The following WDR64 variants were observed in gnomAD, a reference collection of about 807,000 sequenced individuals.
WDR64 encodes WD repeat domain 64.
WDR64 carries 112 observed loss-of-function variants against 139.3 expected under a neutral mutation model. That is an observed-to-expected ratio of 0.80 (90% CI 0.69 to 0.94). The LOEUF (loss-of-function observed/expected upper bound fraction) is 0.94, where lower values mean the gene tolerates loss of function less well. Ranked by LOEUF, WDR64 falls within the 40% of genes least tolerant of loss-of-function variation. The probability of loss-of-function intolerance (pLI) is 0.00; values close to 1 mark genes in which losing one functional copy is unlikely to be tolerated. For missense variants in WDR64, 1,206 were observed against 1,293.1 expected, an observed-to-expected ratio of 0.93 and a Z score of 1.03; for synonymous variants, 444 against 437.7, an observed-to-expected ratio of 1.01 and a Z score of -0.18.
chr1:241,699,058 G>T (rs764897952), intron 8 of WDR64, among the ~76,000 whole-genome samples: 6 of 152,082 alleles, frequency 3.9e-5, no homozygotes, highest in Non-Finnish European at 7.4e-5. Flanking sequence ...ACTATCCCAA[G>T]AACAGCATGA....
chr1:241,652,711 T>A, intron 1 of WDR64, 82 bp downstream of exon 1: 14 of 1,487,274 alleles, frequency 9.4e-6, no homozygotes, highest in Non-Finnish European at 1.3e-5. Flanking sequence ...GAGAGAAGCA[T>A]CAGAGCTTAA....
At chr1:241,768,728 A>C (rs1658287860) in intron 16 of WDR64, among the ~76,000 whole-genome samples, 1 of 152,152 alleles carries the variant, frequency 6.6e-6, no homozygotes, top group Admixed American at 6.5e-5. Flanking sequence ...TGCAGCTTTA[A>C]GAGCCAGGCA....
At chr1:241,714,215 C>G (rs1419931931) in intron 9 of WDR64, among the ~76,000 whole-genome samples, 1 of 152,064 alleles carries the variant, frequency 6.6e-6, no homozygotes, top group Non-Finnish European at 1.5e-5. Flanking sequence ...ATGAGCAAAA[C>G]AGAAACACAA....
intron 9 of WDR64, among the ~76,000 whole-genome samples, chr1:241,714,793 A>G (rs984660119): frequency 1.3e-5 from 2 of 152,192 alleles, no homozygotes; most frequent in African/African-American, 2.4e-5. Context: ...CGCCTGGCCA[A>G]TCACCAACTC....
At chr1:241,680,087 G>T (rs919494068) in intron 6 of WDR64, among the ~76,000 whole-genome samples, 3 of 152,102 alleles carry the variant, frequency 2.0e-5, no homozygotes, top group Admixed American at 6.6e-5. Flanking sequence ...TATGTTCTCT[G>T]CACTCAAACA....
chr1:241,780,056 T>C lies in WDR64; in HGVS notation c.2589T>C (p.Asp863=). 2.5e-6 allele frequency: 4 copies of C among 1,587,166 alleles called. No individual in the cohort carries two copies. Among genetic ancestry groups the C allele is most frequent in the Non-Finnish European group, 3.4e-6 (4 of 1,172,714 alleles). The change falls in exon 22 of 28, where the codon GAT becomes GAC. Residue 863 remains aspartate, a synonymous_variant. Transcript: ENST00000437684. ...NISSFLDPPH[D]EKKFKQLLSW... ...GCTCTTTCCTGGATCCACCTCATGA[T>C]GAAAAGGTAAGAACTTCAGTTTTCC...
rs766877773 is a variant in WDR64 at position 241,723,426 on chromosome 1, C to T, written c.1184C>T (p.Ser395Phe). The T allele has an allele frequency of 6.2e-7, 1 of 1,613,318 alleles. No individual in the cohort carries two copies. The highest frequency in any genetic ancestry group is 8.5e-7 in the Non-Finnish European group (1 of 1,179,638). ...NEKDQHVVSLSSAKVFRVWDI... is the reference protein window; with the variant it reads ...NEKDQHVVSLFSAKVFRVWDI... ...AAAGATCAACATGTCGTCAGCCTTT[C>T]CTCTGCAAAGGTAACAAAAAGAAAA... Residue 395 changes from serine (S) to phenylalanine (F), a missense_variant, in exon 10 of 28, where the codon TCC becomes TTC. Transcript: ENST00000437684.
intron 2 of WDR64, among the ~76,000 whole-genome samples, chr1:241,662,493 T>C (rs2148058879): frequency 6.6e-6 from 1 of 152,332 alleles, no homozygotes; most frequent in Non-Finnish European, 1.5e-5. Flanking sequence ...CCCTCTATAC[T>C]GGCAGTTCAC....
intron 10 of WDR64, among the ~76,000 whole-genome samples, chr1:241,734,990 G>C (rs1057178954): frequency 2.0e-5 from 3 of 152,180 alleles, no homozygotes; most frequent in Non-Finnish European, 2.9e-5. Flanking sequence ...GGCATCTAGA[G>C]AAAGAGCATC....
intron 9 of WDR64, among the ~76,000 whole-genome samples, chr1:241,713,340 GGAGGGAGGGAGGGAGGGACA>G (rs1265657227): frequency 4.2e-5 from 5 of 119,028 alleles, no homozygotes; most frequent in Non-Finnish European, 7.4e-5. Flanking sequence ...AGGAAGGAAG[GGAGGGAGGGAGGGAGGGACA>G]GAGGGAGGGA....
rs1054217284 is a variant in WDR64 at position 241,656,365 on chromosome 1, A to G, written c.145+3736A>G. On this transcript the variant is annotated intron_variant, in intron 1 of 27. Coordinates refer to ENST00000437684, the MANE Select transcript of WDR64 (RefSeq NM_001367482.1). The surrounding 1 kb of genome is among the most constrained non-coding windows in gnomAD (Gnocchi z 4.3). ...GATTGAAGGAATTTGTTCAAAAGTA[A>G]TGCTCTTAGATCTTGTGAGTGACCT... Among the ~76,000 whole-genome samples the G allele has an allele frequency of 3.3e-5, 5 of 152,216 alleles. No homozygotes were observed. Among genetic ancestry groups the G allele is most frequent in the Middle Eastern group, 3.2e-3 (1 of 316 alleles).
At chr1:241,740,721 G>A (rs369272560) in intron 11 of WDR64, among the ~76,000 whole-genome samples, 2 of 151,496 alleles carry the variant, frequency 1.3e-5, no homozygotes, top group East Asian at 3.9e-4. Flanking sequence ...AGGCTAGAGT[G>A]CAATGGCATG....
chr1:241,748,949 A>G (rs10926562), intron 13 of WDR64, among the ~76,000 whole-genome samples: 11,056 of 150,150 alleles, frequency 0.074, 1,447 homozygotes, highest in African/African-American at 0.26. Context: ...AAAAAAAAAA[A>G]AAAGAAAGAA....
At position 241,679,608 on chromosome 1, in the gene WDR64, G is replaced by A. The variant is rs1238801729; in HGVS notation, c.624+13G>A. On this transcript the variant is annotated intron_variant, in intron 6 of 27. Transcript: ENST00000437684. Reference sequence around the variant, plus strand: ...AGGGAGCAGCCAGGTATTGTGCCAAGAGAAATACTCAAAGAAATGAGATTG... The same window carrying A: ...AGGGAGCAGCCAGGTATTGTGCCAAAAGAAATACTCAAAGAAATGAGATTG... The A allele has an allele frequency of 6.5e-7, 1 of 1,546,934 alleles. No individual in the cohort carries two copies. The highest frequency in any genetic ancestry group is 8.8e-7 in the Non-Finnish European group (1 of 1,142,772).
intron 24 of WDR64, among the ~76,000 whole-genome samples, chr1:241,788,516 G>T (rs1206010009): frequency 6.6e-6 from 1 of 152,172 alleles, no homozygotes; most frequent in East Asian, 1.9e-4. Context: ...GCCTGGACTG[G>T]TTACATCTCA....
chr1:241,696,852 TGACTAAGAATGCCTAA>T (rs1222466190), intron 8 of WDR64, among the ~76,000 whole-genome samples: 3 of 152,180 alleles, frequency 2.0e-5, no homozygotes, highest in Non-Finnish European at 4.4e-5. Flanking sequence ...TCTCATCCTG[TGACTAAGAATGCCTAA>T]GCTTCTGTAA....
chr1:241,735,234 A>G (rs1669251040), intron 10 of WDR64, among the ~76,000 whole-genome samples: 1 of 152,150 alleles, frequency 6.6e-6, no homozygotes, highest in African/African-American at 2.4e-5. Flanking sequence ...ATATAGCTCT[A>G]GTTCATTTGT....
chr1:241,727,876 C>T (rs1281551750), intron 10 of WDR64, among the ~76,000 whole-genome samples: 2 of 151,612 alleles, frequency 1.3e-5, no homozygotes, highest in Non-Finnish European at 1.5e-5. Flanking sequence ...CCCATCTCTA[C>T]AAAAACAAAG....
At chr1:241,797,386 C>G (rs1266456664) in intron 27 of WDR64, among the ~76,000 whole-genome samples, 1 of 152,176 alleles carries the variant, frequency 6.6e-6, no homozygotes, top group Non-Finnish European at 1.5e-5. Context: ...CTAACTTAAC[C>G]TGTGGCCATT....
Sources: gnomAD v4.1 joint callset for allele counts (sites outside exome capture counted in the v4.1 genomes callset) on GRCh38, gnomAD v4.1.1 for gene constraint, Gnocchi (gnomAD v3.1) non-coding constraint, MANE v1.5 for transcripts, NCBI Gene and HGNC (gene_info 2026-07-23, HGNC 2026-07-21) for gene names.